The following RERE variants were observed in gnomAD, a reference collection of about 807,000 sequenced individuals.
The protein encoded by RERE is arginine-glutamic acid dipeptide repeats.
Under a neutral mutation model 146.1 loss-of-function variants are expected in RERE, and 40 were observed. The ratio of observed to expected loss-of-function variants is 0.27; its 90% CI spans 0.21 to 0.36. The LOEUF is 0.36. RERE is among the 10% of genes least tolerant of loss of function. The pLI is 1.00. For missense variants in RERE, 1,933 were observed against 2,138.7 expected (o/e 0.90, Z 1.90); for synonymous variants, 1,003 against 866.0 (o/e 1.16, Z -2.78).
intron 2 of RERE, among the ~76,000 whole-genome samples, chr1:8,633,922 C>G (rs958346500): frequency 3.9e-5 from 6 of 152,078 alleles, no homozygotes; most frequent in African/African-American, 9.7e-5. Context: ...GAGTGAGACT[C>G]TGTCAAAGAA....
intron 10 of RERE, among the ~76,000 whole-genome samples, chr1:8,472,759 T>TA (rs1253352415): frequency 1.3e-5 from 2 of 152,106 alleles, no homozygotes; most frequent in Non-Finnish European, 2.9e-5. Flanking sequence ...GAGAAGCACT[T>TA]AGATCTTATG....
chr1:8,514,474 A>C (rs1434690362), intron 7 of RERE, among the ~76,000 whole-genome samples: 1 of 152,218 alleles, frequency 6.6e-6, no homozygotes, highest in Non-Finnish European at 1.5e-5. Flanking sequence ...TCACGCCTGT[A>C]ATCACAGCAT....
intron 1 of RERE, among the ~76,000 whole-genome samples, chr1:8,736,747 T>A (rs891650092): frequency 1.3e-5 from 2 of 151,118 alleles, no homozygotes; most frequent in Admixed American, 1.3e-4. Flanking sequence ...CTGCCCTAAG[T>A]GTCTTATTTT....
chr1:8,750,074 TGCAGAG>T (rs1640499626), intron 1 of RERE, among the ~76,000 whole-genome samples: 1 of 142,280 alleles, frequency 7.0e-6, no homozygotes, highest in South Asian at 2.1e-4. Flanking sequence ...ATCGCTTGAA[TGCAGAG>T]GCCGAGGTTA....
intron 1 of RERE, among the ~76,000 whole-genome samples, chr1:8,722,920 C>T (rs1425418831): frequency 6.6e-6 from 1 of 152,146 alleles, no homozygotes; most frequent in Non-Finnish European, 1.5e-5. Context: ...AGTTTCAGAA[C>T]CTGCATTTAA....
Position 8,430,266 on chromosome 1 carries a change from A to G in RERE, c.1204-7459T>C, listed in dbSNP as rs80306748. Among the ~76,000 whole-genome samples the G allele has an allele frequency of 8.0e-3, 1,221 of 152,298 alleles. 17 individuals carry two copies. Among genetic ancestry groups the G allele is most frequent in the African/African-American group, 0.029 (1,186 of 41,566 alleles). ...TTGAGTAAGGCACTACTTTTTCAATAAATAGCAACAGAACCAATTTGCCTG... is the reference window on the plus strand; with the variant it reads ...TTGAGTAAGGCACTACTTTTTCAATGAATAGCAACAGAACCAATTTGCCTG... On this transcript the variant is annotated intron_variant, in intron 11 of 22. Transcript: ENST00000400908.
At chr1:8,471,646 C>G (rs768269399) in intron 10 of RERE, among the ~76,000 whole-genome samples, 4 of 151,850 alleles carry the variant, frequency 2.6e-5, no homozygotes, top group Non-Finnish European at 5.9e-5. Context: ...CCAAGTAGCT[C>G]AGCTTACAGG....
intron 12 of RERE, among the ~76,000 whole-genome samples, chr1:8,413,559 G>C (rs1413559531): frequency 6.6e-6 from 1 of 151,964 alleles, no homozygotes; most frequent in African/African-American, 2.4e-5. Context: ...GCCTAGGCTA[G>C]ACTTGAACTC....
chr1:8,527,751 C>T (rs1645587307), intron 7 of RERE, among the ~76,000 whole-genome samples: 1 of 152,208 alleles, frequency 6.6e-6, no homozygotes, highest in African/African-American at 2.4e-5. Flanking sequence ...GTTGGCTTCA[C>T]ATGCCATGCC....
chr1:8,653,748 T>G (rs916833601), intron 2 of RERE, among the ~76,000 whole-genome samples: 9 of 151,562 alleles, frequency 5.9e-5, no homozygotes, highest in Middle Eastern at 3.5e-3. Context: ...TTCCCATGAT[T>G]TAGATGTGCG....
In RERE at chr1:8,781,019, T is replaced by C. The variant is rs1301446658; in HGVS notation, c.-145+36141A>G. The stretch of plus-strand genomic sequence containing the variant: ...GAAGAATCACTTGAGCCCAGAGGGT[T>C]GAGACCAGCCTGGGCAACATAGGGA... On this transcript the variant is annotated intron_variant, in intron 1 of 22. Coordinates refer to ENST00000400908, the MANE Select transcript of RERE (RefSeq NM_001042681.2). Among the ~76,000 whole-genome samples, 3 of 151,480 alleles carry C rather than the reference T, an allele frequency of 2.0e-5. No homozygotes were observed. The East Asian group carries it at 5.8e-4, about 29-fold the overall frequency.
chr1:8,669,347 G>T (rs993116569), intron 1 of RERE, among the ~76,000 whole-genome samples: 1 of 152,014 alleles, frequency 6.6e-6, no homozygotes, highest in African/African-American at 2.4e-5. Flanking sequence ...CAATCCGCCC[G>T]CCTTGGCCTC....
At chr1:8,357,819 C>T (rs566002240) in intron 20 of RERE, among the ~76,000 whole-genome samples, 1 of 152,364 alleles carries the variant, frequency 6.6e-6, no homozygotes, top group East Asian at 1.9e-4. Context: ...CTCCCTCAGC[C>T]ACCCTTGAGT....
chr1:8,407,092 C>G (rs1643466351), intron 12 of RERE, among the ~76,000 whole-genome samples: 1 of 152,226 alleles, frequency 6.6e-6, no homozygotes, highest in Admixed American at 6.5e-5. Flanking sequence ...TTGGGGCAGG[C>G]ATTCGCATTA....
Position 8,624,348 on chromosome 1 carries a change from T to C in RERE, c.358A>G (p.Thr120Ala). The stretch of plus-strand genomic sequence containing the variant: ...TGAATGCTACAGATGAAATACGGTG[T>C]GTTTGGCCTCCGACTCTCGATATAC... Reference protein sequence around the residue: ...CVYIESRRPNTPYFICSIQDF... With the variant: ...CVYIESRRPNAPYFICSIQDF... Residue 120 changes from threonine (T) to alanine (A), a missense_variant, in exon 3 of 23, where the codon ACA (threonine) becomes GCA (alanine). Physicochemically the swap from Thr to Ala is moderately conservative, Grantham distance 58. Transcript: ENST00000400908. 1 of 1,611,566 alleles carries C rather than the reference T, an allele frequency of 6.2e-7. No homozygotes were observed. Among genetic ancestry groups the C allele is most frequent in the Non-Finnish European group, 8.5e-7 (1 of 1,179,518 alleles).
At chr1:8,442,855 G>A (rs1246524735) in intron 11 of RERE, among the ~76,000 whole-genome samples, 1 of 152,182 alleles carries the variant, frequency 6.6e-6, no homozygotes, top group Non-Finnish European at 1.5e-5. Flanking sequence ...AGGCTGAGAA[G>A]GTCTCAGATG....
intron 8 of RERE, among the ~76,000 whole-genome samples, chr1:8,507,783 G>C (rs1283634496): frequency 2.0e-5 from 2 of 102,092 alleles, no homozygotes; most frequent in African/African-American, 8.0e-5. Context: ...CTGTTGCCCA[G>C]ACTGGAGTCC....
intron 10 of RERE, among the ~76,000 whole-genome samples, chr1:8,468,944 G>A (rs1190138775): frequency 6.6e-6 from 1 of 151,836 alleles, no homozygotes; most frequent in Non-Finnish European, 1.5e-5. Flanking sequence ...AGGGTAAGTA[G>A]GAAAAACTAT....
At position 8,817,606 on chromosome 1, in the gene RERE, G is replaced by GGCTCCGGAGCGCGGAGGGTT. The variant is rs1569857353; in HGVS notation, c.-611_-592dup. The GGCTCCGGAGCGCGGAGGGTT allele has an allele frequency of 6.6e-6, 1 of 151,452 alleles. No homozygotes were observed. Among genetic ancestry groups the GGCTCCGGAGCGCGGAGGGTT allele is most frequent in the Non-Finnish European group, 1.5e-5 (1 of 67,844 alleles). 9.4% of individuals were successfully genotyped at this position (151,452 alleles called of 1,614,324 possible). On this transcript the variant is annotated 5_prime_UTR_variant, in exon 1 of 23. Transcript: ENST00000400908. ...CTCGGGGTGTGCGGGAGGCTGAGGA[G>GGCTCCGGAGCGCGGAGGGTT]GCTCCGGAGCGCGGAGGGTTGCTCG... is the stretch of plus-strand genomic sequence containing the variant.
Sources: allele counts gnomAD v4.1 joint callset (sites outside exome capture counted in the v4.1 genomes callset), GRCh38; gene constraint gnomAD v4.1.1; transcripts MANE v1.5; gene names NCBI Gene and HGNC (gene_info 2026-07-23, HGNC 2026-07-21).